SCML2: variants seen among roughly 807,000 people sequenced by gnomAD.
SCML2 encodes Scm polycomb group protein like 2, also known as sex comb on midleg-like protein 2.
Under a neutral mutation model 48.4 loss-of-function variants are expected in SCML2, and 6 were observed. The observed-to-expected ratio is 0.12, with a 90% CI of 0.07 to 0.24. The LOEUF (loss-of-function observed/expected upper bound fraction) is 0.24. SCML2 is among the 10% of genes least tolerant of loss of function. SCML2 has a pLI of 1.00. For synonymous variants in SCML2, 181 were observed against 189.5 expected, an observed-to-expected ratio of 0.95 and a Z score of 0.37; for missense variants, 377 against 528.2, an observed-to-expected ratio of 0.71 and a Z score of 2.81.
At chrX:18,340,385 C>T (rs185963454) in intron 1 of SCML2, among the ~76,000 whole-genome samples, 1 of 111,765 alleles carries the variant, frequency 8.9e-6, no homozygotes, top group Non-Finnish European at 1.9e-5. Context: ...CTCCAGCTTG[C>T]GCAACAGAGT....
At chrX:18,241,473 G>T in intron 14 of SCML2, 94 bp from the exon 15 acceptor site, 2 of 558,686 alleles carry the variant, frequency 3.6e-6, no homozygotes, top group Non-Finnish European at 5.2e-6. Context: ...TGTATACTCC[G>T]GATATATATT....
Position 18,300,966 on chromosome X carries a change from T to C in SCML2, c.730+4006A>G, listed in dbSNP as rs555305384. On this transcript the variant is annotated intron_variant, in intron 7 of 14. Transcript: ENST00000251900. ...AATAGATAAAGCAGAAAGCAAACAC[T>C]GAAAGAAATACAAGAAAAAACAAAT... Among the ~76,000 whole-genome samples the C allele has an allele frequency of 1.0e-3, 112 of 110,392 alleles. 2 individuals are homozygous for C. The East Asian group carries it at 0.027, about 26-fold the overall frequency.
chrX:18,257,915 G>T lies in SCML2; in HGVS notation c.1273+129C>A, dbSNP rs1202170336. ...AAAGATGAAGGAAGAAAGAAGAAAGGGCGGGGGAGGGGGAAGGGGAGGGGA... is the reference window on the plus strand; with the variant it reads ...AAAGATGAAGGAAGAAAGAAGAAAGTGCGGGGGAGGGGGAAGGGGAGGGGA... On this transcript the variant is annotated intron_variant, in intron 10 of 14. Coordinates refer to ENST00000251900, the MANE Select transcript of SCML2 (RefSeq NM_006089.3). 7.0e-6 allele frequency: 3 copies of T among 428,451 alleles called. No individual in the cohort carries two copies. The African/African-American group carries it at 9.0e-5, about 13-fold the overall frequency. 35.3% of individuals were successfully genotyped at this position (428,451 alleles called of 1,213,427 possible).
chrX:18,340,017 T>C (rs1929961725), intron 1 of SCML2, among the ~76,000 whole-genome samples: 1 of 112,000 alleles, frequency 8.9e-6, no homozygotes, highest in African/African-American at 3.2e-5. Context: ...TACCACCAAA[T>C]TCCATATATC....
Position 18,351,969 on chromosome X carries a change from C to T in SCML2, c.-25+2623G>A, listed in dbSNP as rs190413626. Among the ~76,000 whole-genome samples the T allele has an allele frequency of 8.1e-5, 9 of 111,518 alleles. No individual in the cohort carries two copies. The Admixed American group carries it at 8.6e-4, about 11-fold the overall frequency. On this transcript the variant is annotated intron_variant, in intron 1 of 14. Coordinates refer to ENST00000251900, the MANE Select transcript of SCML2 (RefSeq NM_006089.3). ...CATCATTAATTATTTCTCAGTGAAGCAGCAAAGGATTACCCTGACCATTTC... is the reference window on the plus strand; with the variant it reads ...CATCATTAATTATTTCTCAGTGAAGTAGCAAAGGATTACCCTGACCATTTC...
intron 1 of SCML2, among the ~76,000 whole-genome samples, chrX:18,351,593 A>G (rs767930767): frequency 9.4e-6 from 1 of 106,868 alleles, no homozygotes; most frequent in South Asian, 4.5e-4. Flanking sequence ...CCGAGAGGGT[A>G]GCTAATAGAG....
At chrX:18,290,962 T>C (rs1011695441) in intron 7 of SCML2, among the ~76,000 whole-genome samples, 1 of 111,294 alleles carries the variant, frequency 9.0e-6, no homozygotes, top group Admixed American at 9.6e-5. Flanking sequence ...AATGGCAATA[T>C]GAGGGAAAAA....
At chrX:18,321,926 A>C (rs1008514399) in intron 5 of SCML2, among the ~76,000 whole-genome samples, 43 of 111,855 alleles carry the variant, frequency 3.8e-4, no homozygotes, top group Admixed American at 3.1e-3. Flanking sequence ...ACCTTTAGGA[A>C]AGGAGAGATT....
At chrX:18,269,312 G>A (rs1412670457) in intron 7 of SCML2, among the ~76,000 whole-genome samples, 2 of 111,217 alleles carry the variant, frequency 1.8e-5, no homozygotes, top group Admixed American at 9.6e-5. Context: ...CTGTTCTCGT[G>A]ATAGTAAGAG....
At chrX:18,300,336 G>A (rs1372706562) in intron 7 of SCML2, among the ~76,000 whole-genome samples, 1 of 108,703 alleles carries the variant, frequency 9.2e-6, no homozygotes, top group Non-Finnish European at 1.9e-5. Flanking sequence ...GGAAGTCAAG[G>A]CTTTACTGAG....
chrX:18,280,190 G>T (rs1411970112), intron 7 of SCML2, among the ~76,000 whole-genome samples: 1 of 111,673 alleles, frequency 9.0e-6, no homozygotes, highest in East Asian at 2.8e-4. Flanking sequence ...CAAGCCAGAA[G>T]ATATTGGGAG....
At chrX:18,324,321 C>G (rs1032321042) in intron 4 of SCML2, among the ~76,000 whole-genome samples, 3 of 111,388 alleles carry the variant, frequency 2.7e-5, no homozygotes, top group Non-Finnish European at 5.6e-5. Flanking sequence ...CTGCCCACTT[C>G]CAGGCAACCC....
At chrX:18,250,818 G>A (rs1419878181) in intron 11 of SCML2, among the ~76,000 whole-genome samples, 6 of 111,261 alleles carry the variant, frequency 5.4e-5, no homozygotes, top group Admixed American at 9.6e-5. Context: ...CTGGAGACTG[G>A]GTAATTTATA....
chrX:18,311,852 G>T (rs73636679), intron 6 of SCML2, among the ~76,000 whole-genome samples: 1,274 of 111,701 alleles, frequency 0.011, 20 homozygotes, highest in African/African-American at 0.04. Flanking sequence ...GTGTAGTGTC[G>T]CAATCTCAGC....
intron 11 of SCML2, among the ~76,000 whole-genome samples, chrX:18,254,838 C>G (rs1240279708): frequency 9.0e-6 from 1 of 111,361 alleles, no homozygotes; most frequent in Non-Finnish European, 1.9e-5. Context: ...ACAAGAGAAT[C>G]ACTTGAACCC....
chrX:18,269,548 AAC>A (rs1927377597), intron 7 of SCML2, among the ~76,000 whole-genome samples: 1 of 111,759 alleles, frequency 8.9e-6, no homozygotes, highest in Non-Finnish European at 1.9e-5. Context: ...AAAACAGACT[AAC>A]ACAATTACTA....
intron 7 of SCML2, among the ~76,000 whole-genome samples, chrX:18,268,699 A>G (rs1373649060): frequency 9.1e-6 from 1 of 110,007 alleles, no homozygotes; most frequent in Non-Finnish European, 1.9e-5. Context: ...GCGCACCAGC[A>G]TGGCACATGT....
intron 1 of SCML2, among the ~76,000 whole-genome samples, chrX:18,351,606 G>C (rs1036351820): frequency 2.1e-4 from 22 of 104,651 alleles, no homozygotes; most frequent in African/African-American, 7.8e-4. Flanking sequence ...TAATAGAGAG[G>C]ACCTCCGATT....
rs1926251261 is a variant in SCML2, at chrX:18,241,110, T to C, written c.*141A>G. 1 of 509,644 alleles carries C rather than the reference T, an allele frequency of 2.0e-6. No homozygotes were observed. The highest frequency in any genetic ancestry group is 4.7e-5 in the East Asian group (1 of 21,220). The allele number at this position is 509,644 out of a possible 1,213,427, so 42.0% of individuals were successfully genotyped here. A position where few individuals can be genotyped will look rare whatever the true frequency, so the allele number is the denominator to read the frequency against. Reference sequence around the variant, plus strand: ...AGGAAAAAAACAAAGTTGACTGAACTGTTACTACAGTTCTGCAATTCTGAT... The same window carrying C: ...AGGAAAAAAACAAAGTTGACTGAACCGTTACTACAGTTCTGCAATTCTGAT... On this transcript the variant is annotated 3_prime_UTR_variant, in exon 15 of 15. Coordinates refer to ENST00000251900, the MANE Select transcript of SCML2 (RefSeq NM_006089.3).
Sources: gnomAD v4.1 joint callset for allele counts (sites outside exome capture counted in the v4.1 genomes callset) on GRCh38, gnomAD v4.1.1 for gene constraint, MANE v1.5 for transcripts, NCBI Gene and HGNC (gene_info 2026-07-23, HGNC 2026-07-21) for gene names.